The following UQCC1 variants were observed in gnomAD, a reference collection of about 807,000 sequenced individuals.
UQCC1 encodes bFGF-repressed Zic-binding protein.
Under a neutral mutation model 48.0 loss-of-function variants are expected in UQCC1, and 38 were observed. The ratio of observed to expected loss-of-function variants is 0.79; its 90% CI spans 0.61 to 1.04. UQCC1 has a LOEUF of 1.04. UQCC1 is among the 50% of genes least tolerant of loss of function. The probability of loss-of-function intolerance (pLI) is 0.00; values close to 1 mark genes in which losing one functional copy is unlikely to be tolerated. For synonymous variants in UQCC1, 111 were observed against 129.2 expected (o/e 0.86, Z 0.95); for missense variants, 368 against 381.8 (o/e 0.96, Z 0.30).
intron 7 of UQCC1, among the ~76,000 whole-genome samples, chr20:35,329,015 A>C (rs2061228552): frequency 6.6e-6 from 1 of 152,250 alleles, no homozygotes; most frequent in Non-Finnish European, 1.5e-5. Context: ...TGTTCCTTGA[A>C]TAAATGAATG....
chr20:35,355,352 G>A (rs1430652841), intron 6 of UQCC1, among the ~76,000 whole-genome samples: 1 of 152,152 alleles, frequency 6.6e-6, no homozygotes, highest in Non-Finnish European at 1.5e-5. Context: ...AGTTCTACTG[G>A]GAAAATAAGG....
intron 1 of UQCC1, chr20:35,409,202 C>T (rs1216042410): frequency 6.6e-6 from 1 of 152,616 alleles, no homozygotes; most frequent in African/African-American, 2.4e-5. Flanking sequence ...AGCACAGTGG[C>T]TCATGCCTGT....
chr20:35,365,050 C>T lies in UQCC1; in HGVS notation c.464+1507G>A, dbSNP rs573420352. Among the ~76,000 whole-genome samples the T allele has an allele frequency of 2.6e-5, 4 of 152,252 alleles. No individual in the cohort carries two copies. The South Asian group carries it at 8.3e-4, about 32-fold the overall frequency. On this transcript the variant is annotated intron_variant, in intron 6 of 9. Coordinates refer to ENST00000374385, the MANE Select transcript of UQCC1 (RefSeq NM_018244.5). ...AATATATGCAGCTTCCTTCCCTGAA[C>T]GCTATGCCTTACCCTTCACCATTCA... is the stretch of plus-strand genomic sequence containing the variant.
At chr20:35,380,476 G>A (rs2061852642) in intron 4 of UQCC1, among the ~76,000 whole-genome samples, 1 of 152,194 alleles carries the variant, frequency 6.6e-6, no homozygotes, top group South Asian at 2.1e-4. Flanking sequence ...TAATTATAGA[G>A]AGAAGCTCAT....
At chr20:35,376,954 A>C (rs962555296) in intron 4 of UQCC1, among the ~76,000 whole-genome samples, 2 of 103,930 alleles carry the variant, frequency 1.9e-5, no homozygotes, top group Non-Finnish European at 4.8e-5. Flanking sequence ...ATCTCAAAAC[A>C]AAACAAAACA....
chr20:35,383,923 C>T, intron 3 of UQCC1, 115 bp downstream of exon 3: 1 of 818,574 alleles, frequency 1.2e-6, no homozygotes, highest in East Asian at 2.9e-5. Context: ...ACTTTACCCC[C>T]TGAGCCTCAC....
chr20:35,355,334 T>G lies in UQCC1; in HGVS notation c.465-8062A>C, dbSNP rs7272130. On this transcript the variant is annotated intron_variant, in intron 6 of 9. Coordinates refer to ENST00000374385, the MANE Select transcript of UQCC1 (RefSeq NM_018244.5). ...CCTATCAACCGGAAGTTACTGAAGA[T>G]TCCCATGAGTTCTACTGGGAAAATA... 2.9e-3 allele frequency among the ~76,000 whole-genome samples: 445 copies of G among 152,366 alleles called. 8 individuals are homozygous for G. The highest frequency in any genetic ancestry group is 1.0e-2 in the African/African-American group (415 of 41,586).
At chr20:35,352,483 T>C (rs909725827) in intron 6 of UQCC1, among the ~76,000 whole-genome samples, 1 of 152,186 alleles carries the variant, frequency 6.6e-6, no homozygotes, top group Non-Finnish European at 1.5e-5. Context: ...TAATTAAATA[T>C]ACAAATATCA....
intron 7 of UQCC1, among the ~76,000 whole-genome samples, chr20:35,317,977 G>A (rs913667732): frequency 6.6e-6 from 1 of 152,156 alleles, no homozygotes; most frequent in East Asian, 1.9e-4. Context: ...CATTCCTTCT[G>A]TCATGTGAGG....
chr20:35,312,503 C>T (rs2061005513), intron 8 of UQCC1, among the ~76,000 whole-genome samples: 3 of 152,166 alleles, frequency 2.0e-5, no homozygotes, highest in Admixed American at 2.0e-4. Context: ...AAGAAATCCC[C>T]ACCCAGCCAA....
chr20:35,304,023 C>A lies in UQCC1; in HGVS notation c.812G>T (p.Gly271Val). The A allele has an allele frequency of 6.2e-7, 1 of 1,614,144 alleles. No individual in the cohort carries two copies. The highest frequency in any genetic ancestry group is 8.5e-7 in the Non-Finnish European group (1 of 1,180,010). The change falls in exon 10 of 10, where the codon GGG (glycine) becomes GTG (valine). Residue 271 changes from glycine to valine, a missense_variant. Coordinates refer to ENST00000374385, the MANE Select transcript of UQCC1 (RefSeq NM_018244.5). ...SMNGEDLLLT[G>V]EVSWRPLVEK... The stretch of plus-strand genomic sequence containing the variant: ...CACTAGAGGGCGCCAGCTCACCTCC[C>A]CTGTCAGAAGCAGATCCTCCCCGTT...
intron 9 of UQCC1, 127 bp from the exon 10 acceptor site, chr20:35,304,196 T>C (rs1311182812): frequency 4.0e-6 from 5 of 1,243,644 alleles, no homozygotes; most frequent in East Asian, 5.0e-5. Flanking sequence ...CTTCTGACCA[T>C]CCCAGGTCCC....
intron 6 of UQCC1, 126 bp from the exon 7 acceptor site, chr20:35,347,398 T>C (rs1466659910): frequency 5.9e-5 from 44 of 751,218 alleles, no homozygotes; most frequent in Admixed American, 3.2e-5. Flanking sequence ...GGAAGTGAAC[T>C]TTTTTTTTTT....
In UQCC1 at chr20:35,304,041, T is replaced by C; in HGVS notation, c.794A>G (p.Glu265Gly). 1 of 1,613,974 alleles carries C rather than the reference T, an allele frequency of 6.2e-7. No homozygotes were observed. Among genetic ancestry groups the C allele is most frequent in the South Asian group, 1.1e-5 (1 of 91,076 alleles). The change falls in exon 10 of 10, where the codon GAG (glutamate) becomes GGG (glycine). Residue 265 changes from glutamate (E) to glycine (G), a missense_variant. By Grantham distance (98) the Glu-to-Gly change is moderately conservative (BLOSUM62 -2). Transcript: ENST00000374385. The part of the protein sequence containing the change: ...QIQYLDSMNG[E>G]DLLLTGEVSW... ...CACCTCCCCTGTCAGAAGCAGATCC[T>C]CCCCGTTCATGGAGTCCAGGTACTG...
At chr20:35,316,295 T>C (rs2061058726) in intron 7 of UQCC1, among the ~76,000 whole-genome samples, 1 of 152,156 alleles carries the variant, frequency 6.6e-6, no homozygotes, top group Admixed American at 6.5e-5. Context: ...GGGAGGTAGA[T>C]GTGTTACAGT....
intron 1 of UQCC1, among the ~76,000 whole-genome samples, chr20:35,408,500 C>A (rs2062286343): frequency 6.6e-6 from 1 of 152,180 alleles, no homozygotes; most frequent in Admixed American, 6.6e-5. Flanking sequence ...CCCTTGTGCA[C>A]TGCTAGTGAG....
intron 7 of UQCC1, among the ~76,000 whole-genome samples, chr20:35,336,506 A>G (rs891819295): frequency 6.6e-6 from 1 of 152,240 alleles, no homozygotes; most frequent in Non-Finnish European, 1.5e-5. Context: ...ACATGACTAC[A>G]GAGGCAGAAA....
chr20:35,399,932 T>TC (rs1166123344), intron 1 of UQCC1, among the ~76,000 whole-genome samples: 1 of 147,638 alleles, frequency 6.8e-6, no homozygotes, highest in Non-Finnish European at 1.5e-5. Context: ...GTCCTTTTTT[T>TC]TTTTTTTTTT....
intron 5 of UQCC1, among the ~76,000 whole-genome samples, chr20:35,372,153 T>C (rs915407523): frequency 7.3e-5 from 11 of 150,556 alleles, no homozygotes; most frequent in Non-Finnish European, 5.9e-5. Flanking sequence ...CTACTAAAAG[T>C]ACAAAAAAAT....
Sources: allele counts gnomAD v4.1 joint callset (sites outside exome capture counted in the v4.1 genomes callset), GRCh38; gene constraint gnomAD v4.1.1; transcripts MANE v1.5; gene names NCBI Gene and HGNC (gene_info 2026-07-23, HGNC 2026-07-21).